INPP4B: variants seen among roughly 807,000 people sequenced by gnomAD.
INPP4B encodes the protein inositol polyphosphate 4-phosphatase type II.
Under a neutral mutation model 122.5 loss-of-function variants are expected in INPP4B, and 55 were observed. The ratio of observed to expected loss-of-function variants is 0.45; its 90% confidence interval spans 0.36 to 0.56. The LOEUF is 0.56. INPP4B is among the 20% of genes least tolerant of loss of function. INPP4B has a pLI of 0.00. For synonymous variants in INPP4B, 403 were observed against 388.7 expected (o/e 1.04, Z -0.43); for missense variants, 1,000 against 1,097.7 (o/e 0.91, Z 1.26).
intron 25 of INPP4B, among the ~76,000 whole-genome samples, chr4:142,034,740 A>G (rs1199052398): frequency 6.6e-6 from 1 of 152,062 alleles, no homozygotes; most frequent in African/African-American, 2.4e-5. Context: ...TCAGAGCACC[A>G]GGCACCTCCT....
chr4:142,402,800 A>T (rs1047068584), intron 7 of INPP4B, 138 bp downstream of exon 7: 1 of 614,094 alleles, frequency 1.6e-6, no homozygotes, highest in Admixed American at 2.9e-5. Context: ...TTGGGAAAAA[A>T]ACAACAAACG....
At chr4:142,569,988 T>A (rs961693206) in intron 2 of INPP4B, among the ~76,000 whole-genome samples, 1 of 152,072 alleles carries the variant, frequency 6.6e-6, no homozygotes, top group Non-Finnish European at 1.5e-5. Flanking sequence ...CTTAGTTGAG[T>A]AGCTAGGTGC....
intron 11 of INPP4B, among the ~76,000 whole-genome samples, chr4:142,250,994 T>C (rs1425244902): frequency 2.6e-5 from 4 of 152,218 alleles, no homozygotes; most frequent in Admixed American, 2.6e-4. Flanking sequence ...AACAAACAAA[T>C]ACCCTGGTAA....
At chr4:142,797,212 A>T (rs1403915956) in intron 1 of INPP4B, among the ~76,000 whole-genome samples, 1 of 151,950 alleles carries the variant, frequency 6.6e-6, no homozygotes, top group Non-Finnish European at 1.5e-5. Flanking sequence ...CTAGATTCAG[A>T]GAAATTAAGA....
intron 25 of INPP4B, among the ~76,000 whole-genome samples, chr4:142,033,643 A>G (rs1214642245): frequency 6.8e-6 from 1 of 147,816 alleles, no homozygotes; most frequent in Non-Finnish European, 1.5e-5. Context: ...GCTTCTTTTT[A>G]TCTCCTAAGT....
chr4:142,630,818 A>G (rs917408981), intron 2 of INPP4B, among the ~76,000 whole-genome samples: 1 of 152,120 alleles, frequency 6.6e-6, no homozygotes, highest in African/African-American at 2.4e-5. Flanking sequence ...AGGTAAGTCT[A>G]TCTCTTTGGG....
chr4:142,315,775 A>G (rs1426622220), intron 7 of INPP4B, among the ~76,000 whole-genome samples: 1 of 151,698 alleles, frequency 6.6e-6, no homozygotes, highest in Admixed American at 6.6e-5. Flanking sequence ...ATACAAGCAC[A>G]TCCTGTCTAC....
chr4:142,183,629 C>G (rs146258661), intron 15 of INPP4B, among the ~76,000 whole-genome samples: 3 of 152,252 alleles, frequency 2.0e-5, no homozygotes, highest in African/African-American at 7.2e-5. Flanking sequence ...CAACAGACAG[C>G]TTTAAAAATA....
chr4:142,296,300 G>A (rs1335956931), intron 9 of INPP4B, among the ~76,000 whole-genome samples: 1 of 152,080 alleles, frequency 6.6e-6, no homozygotes, highest in East Asian at 1.9e-4. Flanking sequence ...AAAAAATACA[G>A]AATATATAAC....
In INPP4B at chr4:142,228,277, T is replaced by G. The variant is rs370860202; in HGVS notation, c.836+9587A>C. On this transcript the variant is annotated intron_variant, in intron 12 of 25. Transcript: ENST00000262992. ...AAGACAACAGGAAATGTGGAATTGA[T>G]AAATCCATAAGAATTTTTTTAAAAG... Among the ~76,000 whole-genome samples, 200 of 152,210 alleles carry G rather than the reference T, an allele frequency of 1.3e-3. 1 individual carries two copies. The highest frequency in any genetic ancestry group is 0.01 in the East Asian group (53 of 5,190).
intron 2 of INPP4B, among the ~76,000 whole-genome samples, chr4:142,510,855 T>C (rs1460725335): frequency 1.3e-5 from 2 of 152,168 alleles, no homozygotes; most frequent in Non-Finnish European, 2.9e-5. Flanking sequence ...AATTAATTTT[T>C]AAAACAATAG....
chr4:142,299,154 T>G (rs1219370762), intron 9 of INPP4B, among the ~76,000 whole-genome samples: 1 of 146,974 alleles, frequency 6.8e-6, no homozygotes, highest in African/African-American at 2.6e-5. Flanking sequence ...TTTTCTTTCT[T>G]TCTTTTTTTT....
chr4:142,293,360 C>T (rs563387479), intron 9 of INPP4B, among the ~76,000 whole-genome samples: 3 of 152,054 alleles, frequency 2.0e-5, no homozygotes, highest in South Asian at 2.1e-4. Context: ...GGGAACTTAG[C>T]GGATCAACCA....
At chr4:142,264,887 G>A (rs2150458136) in intron 10 of INPP4B, among the ~76,000 whole-genome samples, 1 of 152,154 alleles carries the variant, frequency 6.6e-6, no homozygotes, top group South Asian at 2.1e-4. Flanking sequence ...ATACTACAGG[G>A]CTGGTATTCT....
intron 23 of INPP4B, among the ~76,000 whole-genome samples, chr4:142,097,704 C>A (rs1782600950): frequency 1.3e-5 from 2 of 152,136 alleles, no homozygotes; most frequent in Admixed American, 1.3e-4. Flanking sequence ...TTTCTCAGAA[C>A]CTTCAATGTG....
At chr4:142,641,110 A>G (rs1221780625) in intron 2 of INPP4B, among the ~76,000 whole-genome samples, 1 of 152,170 alleles carries the variant, frequency 6.6e-6, no homozygotes, top group Non-Finnish European at 1.5e-5. Flanking sequence ...ACGAGCCCCA[A>G]GAGACATGCA....
intron 25 of INPP4B, among the ~76,000 whole-genome samples, chr4:142,040,813 T>C (rs1746983930): frequency 6.6e-6 from 1 of 152,192 alleles, no homozygotes; most frequent in Admixed American, 6.5e-5. Flanking sequence ...TAAGGTACTT[T>C]AAAATGTGAA....
At position 142,030,331 on chromosome 4, in the gene INPP4B, A is replaced by G. The variant is rs979952104; in HGVS notation, c.2643-1417T>C. 4.6e-6 allele frequency: 7 copies of G among 1,528,862 alleles called. No homozygotes were observed. The African/African-American group carries it at 5.5e-5, about 12-fold the overall frequency. The allele number at this position is 1,528,862 out of a possible 1,614,324, so 94.7% of individuals were successfully genotyped here. A position where few individuals can be genotyped will look rare whatever the true frequency, so the allele number is the denominator to read the frequency against. On this transcript the variant is annotated intron_variant, in intron 25 of 25. Transcript: ENST00000262992. ...TTAAATGAGGGGAAGTTGGGGGGGA[A>G]AAGAAAATAGTATAGAGTTCACACA...
chr4:142,653,158 C>A (rs1321777181), intron 2 of INPP4B, among the ~76,000 whole-genome samples: 5 of 152,166 alleles, frequency 3.3e-5, no homozygotes, highest in Admixed American at 1.3e-4. Context: ...GCTGGGAAAA[C>A]TGGCTAGCCA....
Sources: gnomAD v4.1 joint callset for allele counts (sites outside exome capture counted in the v4.1 genomes callset) on GRCh38, gnomAD v4.1.1 for gene constraint, MANE v1.5 for transcripts, NCBI Gene and HGNC (gene_info 2026-07-23, HGNC 2026-07-21) for gene names.